The following ERI3 variants were observed in gnomAD, a reference collection of about 807,000 sequenced individuals.
ERI3 encodes ERI1 exoribonuclease 3.
ERI3 carries 18 observed loss-of-function variants against 44.4 expected under a neutral mutation model. That is an observed-to-expected ratio of 0.41 (90% CI 0.28 to 0.60). The LOEUF is 0.60. Ranked by LOEUF, ERI3 falls within the 20% of genes least tolerant of loss-of-function variation. The pLI is 0.36. For missense variants in ERI3, 294 were observed against 435.5 expected, an observed-to-expected ratio of 0.68 and a Z score of 2.89; for synonymous variants, 183 against 164.8, an observed-to-expected ratio of 1.11 and a Z score of -0.84.
At chr1:44,269,251 T>C (rs908091405) in intron 7 of ERI3, among the ~76,000 whole-genome samples, 1 of 152,116 alleles carries the variant, frequency 6.6e-6, no homozygotes, top group Admixed American at 6.5e-5. Flanking sequence ...CTCATCCAAC[T>C]CCCTTATTTG....
intron 4 of ERI3, among the ~76,000 whole-genome samples, chr1:44,313,430 C>A (rs1019925500): frequency 6.6e-6 from 1 of 152,164 alleles, no homozygotes; most frequent in African/African-American, 2.4e-5. Context: ...CCCATAATAT[C>A]CTGCCCTGAG....
intron 8 of ERI3, among the ~76,000 whole-genome samples, chr1:44,238,712 C>T (rs570925458): frequency 1.3e-5 from 2 of 152,124 alleles, no homozygotes; most frequent in South Asian, 4.1e-4. Flanking sequence ...GGGATATTCA[C>T]AGCGAGAGTA....
chr1:44,258,619 G>A (rs913811466), intron 7 of ERI3, among the ~76,000 whole-genome samples: 10 of 152,168 alleles, frequency 6.6e-5, no homozygotes, highest in Non-Finnish European at 1.2e-4. Context: ...GGAGAGACAT[G>A]TAAACATATT....
chr1:44,346,789 T>C (rs1325624151), intron 2 of ERI3, among the ~76,000 whole-genome samples: 2 of 152,134 alleles, frequency 1.3e-5, no homozygotes, highest in Non-Finnish European at 2.9e-5. Context: ...TACTACAAAT[T>C]ATTTGTAATA....
In ERI3 at chr1:44,241,396, TG is replaced by T. The variant is rs1364473213; in HGVS notation, c.931+6542del. Among the ~76,000 whole-genome samples, 1 of 152,082 alleles carries T rather than the reference TG, an allele frequency of 6.6e-6. No homozygotes were observed. The highest frequency in any genetic ancestry group is 6.5e-5 in the Admixed American group (1 of 15,278). Reference sequence around the variant, plus strand: ...AATCACTCAATCACCGCCCAGTGCTTGGTGGGCACCGCACGCCCTCACACAC... The same window carrying T: ...AATCACTCAATCACCGCCCAGTGCTTGTGGGCACCGCACGCCCTCACACAC... On this transcript the variant is annotated intron_variant, in intron 8 of 8. Transcript: ENST00000372257. This position sits in a 1 kb window ranked among gnomAD's most constrained non-coding sequence, Gnocchi z 5.6.
chr1:44,275,429 C>T (rs1249464124), intron 7 of ERI3, among the ~76,000 whole-genome samples: 7 of 152,154 alleles, frequency 4.6e-5, no homozygotes, highest in Non-Finnish European at 7.3e-5. Context: ...TCATTAAGGC[C>T]GAGAATTTAT....
intron 8 of ERI3, among the ~76,000 whole-genome samples, chr1:44,246,735 G>C (rs1644562101): frequency 6.6e-6 from 1 of 152,228 alleles, no homozygotes; most frequent in African/African-American, 2.4e-5. Flanking sequence ...ACCTATTTCA[G>C]TCCCTGTCTC....
chr1:44,314,160 G>T (rs1319402443), intron 4 of ERI3, among the ~76,000 whole-genome samples: 5 of 151,488 alleles, frequency 3.3e-5, no homozygotes, highest in African/African-American at 1.2e-4. Flanking sequence ...TGTTGGGGGG[G>T]GGGAGATTAA....
At chr1:44,291,837 G>T (rs1031519818) in intron 6 of ERI3, among the ~76,000 whole-genome samples, 1 of 152,196 alleles carries the variant, frequency 6.6e-6, no homozygotes, top group African/African-American at 2.4e-5. Context: ...GCCTACTGCA[G>T]GACCTGGAGT....
At chr1:44,304,289 A>G (rs970267970) in intron 6 of ERI3, among the ~76,000 whole-genome samples, 3 of 152,154 alleles carry the variant, frequency 2.0e-5, no homozygotes, top group Non-Finnish European at 4.4e-5. Context: ...AGACGAGATC[A>G]CTCTGGTAAG....
At chr1:44,335,327 C>T (rs1646511175) in intron 3 of ERI3, among the ~76,000 whole-genome samples, 1 of 151,572 alleles carries the variant, frequency 6.6e-6, no homozygotes, top group Non-Finnish European at 1.5e-5. Context: ...TGCACTCCAG[C>T]CTGGGCAACG....
At chr1:44,269,859 A>G (rs1490907549) in intron 7 of ERI3, among the ~76,000 whole-genome samples, 5 of 152,176 alleles carry the variant, frequency 3.3e-5, no homozygotes, top group Admixed American at 2.0e-4. Context: ...CACCCATAAA[A>G]TAGGGACAAT....
chr1:44,345,526 C>A (rs1055196343), intron 2 of ERI3, among the ~76,000 whole-genome samples: 7 of 152,194 alleles, frequency 4.6e-5, no homozygotes, highest in African/African-American at 1.7e-4. Context: ...AGTTCTCAGT[C>A]CTGGTGTAAG....
At chr1:44,351,136 C>T (rs1370919155) in intron 2 of ERI3, among the ~76,000 whole-genome samples, 1 of 151,722 alleles carries the variant, frequency 6.6e-6, no homozygotes, top group Non-Finnish European at 1.5e-5. Flanking sequence ...TGGGTTCAAG[C>T]AATTCTCCCG....
chr1:44,282,340 G>C (rs1572181502), intron 7 of ERI3, among the ~76,000 whole-genome samples: 1 of 152,234 alleles, frequency 6.6e-6, no homozygotes, highest in Middle Eastern at 3.4e-3. Flanking sequence ...TGGGGGAGCA[G>C]AGGAGGAAGA....
At chr1:44,292,776 T>G (rs1645535598) in intron 6 of ERI3, among the ~76,000 whole-genome samples, 1 of 152,102 alleles carries the variant, frequency 6.6e-6, no homozygotes, top group African/African-American at 2.4e-5. Flanking sequence ...AGGTTACAAT[T>G]CCAACCACAG....
In ERI3 at chr1:44,241,421, ACACT is replaced by A. The variant is rs1644431217; in HGVS notation, c.931+6514_931+6517del. 6.6e-6 allele frequency among the ~76,000 whole-genome samples: 1 copy of A among 152,038 alleles called. No individual in the cohort carries two copies. Among genetic ancestry groups the A allele is most frequent in the Non-Finnish European group, 1.5e-5 (1 of 67,982 alleles). Reference sequence around the variant, plus strand: ...TGGTGGGCACCGCACGCCCTCACACACACTCAAACACATGCTCACACATGCACAC... The same window carrying A: ...TGGTGGGCACCGCACGCCCTCACACACAAACACATGCTCACACATGCACAC... On this transcript the variant is annotated intron_variant, in intron 8 of 8. Coordinates refer to ENST00000372257, the MANE Select transcript of ERI3 (RefSeq NM_024066.3). The surrounding 1 kb of genome is among the most constrained non-coding windows in gnomAD (Gnocchi z 5.6).
intron 8 of ERI3, among the ~76,000 whole-genome samples, chr1:44,245,629 C>G (rs1644539185): frequency 6.6e-6 from 1 of 152,172 alleles, no homozygotes; most frequent in Admixed American, 6.5e-5. Context: ...CCCCATAGGG[C>G]CCAGCCAGAT....
intron 3 of ERI3, among the ~76,000 whole-genome samples, chr1:44,337,900 T>G (rs1048999492): frequency 1.3e-5 from 2 of 152,116 alleles, no homozygotes; most frequent in Admixed American, 1.3e-4. Context: ...CAGAGCAACA[T>G]GTCTATGCAT....
Sources: allele counts gnomAD v4.1 joint callset (sites outside exome capture counted in the v4.1 genomes callset), GRCh38; gene constraint gnomAD v4.1.1; non-coding constraint Gnocchi (gnomAD v3.1); transcripts MANE v1.5; gene names NCBI Gene and HGNC (gene_info 2026-07-23, HGNC 2026-07-21).